The following MYT1 variants were observed in gnomAD, a reference collection of about 807,000 sequenced individuals.
MYT1 encodes the protein myelin transcription factor I.
A neutral mutation model predicts 123.0 loss-of-function variants in MYT1; 23 were observed. The ratio of observed to expected loss-of-function variants is 0.19; its 90% CI spans 0.13 to 0.26. MYT1 has a LOEUF of 0.26. Ranked by LOEUF, MYT1 falls within the 10% of genes least tolerant of loss-of-function variation. The pLI is 1.00. For missense variants in MYT1, 1,125 were observed against 1,472.5 expected (o/e 0.76, Z 3.86); for synonymous variants, 518 against 575.3 (o/e 0.90, Z 1.43).
intron 18 of MYT1, among the ~76,000 whole-genome samples, chr20:64,230,270 T>C (rs1601723658): frequency 1.3e-5 from 2 of 152,108 alleles, no homozygotes; most frequent in South Asian, 2.1e-4. Context: ...CCCAGCACTT[T>C]AGGAGGCTGA....
rs1247680775 is a variant in MYT1, at chr20:64,232,645, C to A, written c.2897+260C>A. Among the ~76,000 whole-genome samples, 1 of 152,136 alleles carries A rather than the reference C, an allele frequency of 6.6e-6. No individual in the cohort carries two copies. ...CACATCCTGATGGAGTCCTTCCTGGCTGGGTGTTATGCTGGACACAGAGGC... is the reference window on the plus strand; with the variant it reads ...CACATCCTGATGGAGTCCTTCCTGGATGGGTGTTATGCTGGACACAGAGGC... On this transcript the variant is annotated intron_variant, in intron 19 of 22. Transcript: ENST00000328439. This position sits in a 1 kb window ranked among gnomAD's most constrained non-coding sequence, Gnocchi z 6.9.
intron 1 of MYT1, among the ~76,000 whole-genome samples, chr20:64,170,876 TATATATATAGAGAGAGAGAGAGAG>T (rs1251722041): frequency 5.0e-5 from 3 of 60,598 alleles, no homozygotes; most frequent in African/African-American, 2.2e-4. Context: ...TATATATATA[TATATATATAGAGAGAGAGAGAGAG>T]AGAGAGAGAG....
At chr20:64,211,084 A>G in intron 7 of MYT1, 122 bp from the exon 8 acceptor site, 2 of 1,099,748 alleles carry the variant, frequency 1.8e-6, no homozygotes, top group Middle Eastern at 5.8e-4. Context: ...GTTCAAGCTC[A>G]TGGGCAGTCT....
At chr20:64,238,932 C>T (rs1416578265) in intron 21 of MYT1, among the ~76,000 whole-genome samples, 6 of 152,246 alleles carry the variant, frequency 3.9e-5, no homozygotes, top group Non-Finnish European at 8.8e-5. Flanking sequence ...AGGTCCCTAT[C>T]CCCCATGCAA....
At position 64,185,835 on chromosome 20, in the gene MYT1, C is replaced by T. The variant is rs1444101584; in HGVS notation, c.-98-4228C>T. ...GTGTTAGCTCTGGGACAAGGGGGCT[C>T]TCCTTGCCATGACGACAGAAGGAAA... is the stretch of plus-strand genomic sequence containing the variant. On this transcript the variant is annotated intron_variant, in intron 1 of 22. Coordinates refer to ENST00000328439, the MANE Select transcript of MYT1 (RefSeq NM_004535.3). This position sits in a 1 kb window ranked among gnomAD's most constrained non-coding sequence, Gnocchi z 4.5. Among the ~76,000 whole-genome samples the T allele has an allele frequency of 6.6e-6, 1 of 152,190 alleles. No individual in the cohort carries two copies. Among genetic ancestry groups the T allele is most frequent in the Non-Finnish European group, 1.5e-5 (1 of 68,026 alleles).
At chr20:64,199,742 C>T in intron 3 of MYT1, 150 bp from the exon 4 acceptor site, 1 of 866,922 alleles carries the variant, frequency 1.2e-6, no homozygotes, top group Admixed American at 1.9e-5. Context: ...GGGTGAGCGC[C>T]CTGGGGAAAC....
rs1010756388 is a variant in MYT1 at position 64,191,269 on chromosome 20, G to A, written c.-1+1109G>A. ...CCCAGGGTATAAGATCTCCCTTCGGGGACACTCCCGAACTGTGACATCACA... is the reference window on the plus strand; with the variant it reads ...CCCAGGGTATAAGATCTCCCTTCGGAGACACTCCCGAACTGTGACATCACA... On this transcript the variant is annotated intron_variant, in intron 2 of 22. Coordinates refer to ENST00000328439, the MANE Select transcript of MYT1 (RefSeq NM_004535.3). The surrounding 1 kb of genome is among the most constrained non-coding windows in gnomAD (Gnocchi z 4.1). 5.9e-5 allele frequency among the ~76,000 whole-genome samples: 9 copies of A among 152,086 alleles called. No individual in the cohort carries two copies. The highest frequency in any genetic ancestry group is 2.2e-4 in the African/African-American group (9 of 41,390).
rs980217343 is a variant in MYT1, at chr20:64,232,876, C to T, written c.2897+491C>T. ...TGGGCAGAGACCCCTGCCTGCCTTG[C>T]AAGGGAGCTGGTAACCCCTCTCTGT... On this transcript the variant is annotated intron_variant, in intron 19 of 22. Coordinates refer to ENST00000328439, the MANE Select transcript of MYT1 (RefSeq NM_004535.3). This position sits in a 1 kb window ranked among gnomAD's most constrained non-coding sequence, Gnocchi z 6.9. Among the ~76,000 whole-genome samples the T allele has an allele frequency of 1.3e-5, 2 of 151,958 alleles. No individual in the cohort carries two copies. Among genetic ancestry groups the T allele is most frequent in the Non-Finnish European group, 2.9e-5 (2 of 67,956 alleles).
In MYT1 at chr20:64,211,251, G is replaced by A; in HGVS notation, c.1337G>A (p.Gly446Asp). The change falls in exon 8 of 23, where the codon GGC becomes GAC. Residue 446 changes from glycine (G) to aspartate (D), a missense_variant. Gly to Asp is a moderately conservative substitution (Grantham distance 94, BLOSUM62 -1). This residue lies in a region of MYT1 where 429 missense variants were observed against 604.1 expected (regional missense o/e 0.71). Transcript: ENST00000328439. The stretch of plus-strand genomic sequence containing the variant: ...CGTGAGATCAAGTGTCCAACACCAG[G>A]CTGTGATGGCACTGGCCACGTTACC... The part of the protein sequence containing the change: ...EKREIKCPTP[G>D]CDGTGHVTGL... 1.2e-6 allele frequency: 2 copies of A among 1,614,086 alleles called. No homozygotes were observed. The highest frequency in any genetic ancestry group is 4.5e-5 in the East Asian group (2 of 44,886).
At chr20:64,188,103 G>A (rs1399920265) in intron 1 of MYT1, among the ~76,000 whole-genome samples, 1 of 152,198 alleles carries the variant, frequency 6.6e-6, no homozygotes, top group Non-Finnish European at 1.5e-5. Flanking sequence ...GAATTCCACA[G>A]GGCTGTATTT....
chr20:64,198,789 C>T, intron 2 of MYT1, 73 bp from the exon 3 acceptor site: 1 of 1,528,168 alleles, frequency 6.5e-7, no homozygotes, highest in South Asian at 1.1e-5. Context: ...AATGGCCAGA[C>T]ATTCCTGATG....
At chr20:64,197,705 A>C (rs1176086183) in intron 2 of MYT1, among the ~76,000 whole-genome samples, 1 of 152,202 alleles carries the variant, frequency 6.6e-6, no homozygotes, top group African/African-American at 2.4e-5. Context: ...CAGATTTGTC[A>C]TGAGTGACAC....
At chr20:64,214,971 A>T (rs911317669) in intron 10 of MYT1, among the ~76,000 whole-genome samples, 3 of 152,174 alleles carry the variant, frequency 2.0e-5, no homozygotes, top group African/African-American at 7.2e-5. Flanking sequence ...CTCTGGGCAG[A>T]GCACAGAGAC....
intron 7 of MYT1, among the ~76,000 whole-genome samples, chr20:64,210,519 CT>C (rs1444043087): frequency 6.6e-6 from 1 of 152,218 alleles, no homozygotes; most frequent in Non-Finnish European, 1.5e-5. Flanking sequence ...AGCTCCTTCC[CT>C]TTGGAGCCCC....
chr20:64,198,913 C>T lies in MYT1; in HGVS notation c.52C>T (p.Arg18Ter). ...KRARTRSKAL[R>*]GPPETTAADL... Reference sequence around the variant, plus strand: ...AGCTCGCACCCGATCCAAGGCCCTGCGAGGTGAGTGCCGCCCTCCCCTCCT... The same window carrying T: ...AGCTCGCACCCGATCCAAGGCCCTGTGAGGTGAGTGCCGCCCTCCCCTCCT... The change falls in exon 3 of 23, where the codon CGA becomes TGA. Residue 18 changes from arginine (R) to a stop codon, truncating the protein, a stop_gained. Coordinates refer to ENST00000328439, the MANE Select transcript of MYT1 (RefSeq NM_004535.3). LOFTEE classifies it high-confidence loss of function. 1 of 1,614,034 alleles carries T rather than the reference C, an allele frequency of 6.2e-7. No homozygotes were observed. The highest frequency in any genetic ancestry group is 8.5e-7 in the Non-Finnish European group (1 of 1,179,914).
chr20:64,236,332 C>CTGGCCGCGGTGGGTGACCCTGGGA (rs1261420066), intron 19 of MYT1, among the ~76,000 whole-genome samples: 16 of 119,364 alleles, frequency 1.3e-4, no homozygotes, highest in East Asian at 1.2e-3. Flanking sequence ...TGACCCTGGG[C>CTGGCCGCGGTGGGTGACCCTGGGA]TGGCCGCGGT....
Position 64,235,736 on chromosome 20 carries a change from C to CCG in MYT1, c.2898-819_2898-818insCG, listed in dbSNP as rs1336226753. 3.7e-3 allele frequency among the ~76,000 whole-genome samples: 403 copies of CCG among 108,698 alleles called. 21 individuals are homozygous for CCG. Among genetic ancestry groups the CCG allele is most frequent in the South Asian group, 6.8e-3 (21 of 3,078 alleles). 71.3% of individuals were successfully genotyped at this position (108,698 alleles called of 152,430 possible). On this transcript the variant is annotated intron_variant, in intron 19 of 22. Transcript: ENST00000328439. ...GCCGTGGTGGGTGACCCTTGGCTGG[C>CCG]TGTGGTGGGTGACCCTTGGATGGCT...
chr20:64,214,076 C>G (rs1224978601), intron 10 of MYT1, among the ~76,000 whole-genome samples: 9 of 152,214 alleles, frequency 5.9e-5, no homozygotes, highest in Admixed American at 3.9e-4. Context: ...AGCCACTAAT[C>G]CTTGGCCGTC....
At chr20:64,214,300 T>C (rs1314539942) in intron 10 of MYT1, among the ~76,000 whole-genome samples, 1 of 152,254 alleles carries the variant, frequency 6.6e-6, no homozygotes, top group African/African-American at 2.4e-5. Context: ...TCCATGTGTA[T>C]GTGAACACGT....
Sources: allele counts gnomAD v4.1 joint callset (sites outside exome capture counted in the v4.1 genomes callset), GRCh38; gene constraint gnomAD v4.1.1; regional missense constraint gnomAD v4.1.1; non-coding constraint Gnocchi (gnomAD v3.1); transcripts MANE v1.5; gene names NCBI Gene and HGNC (gene_info 2026-07-23, HGNC 2026-07-21).